DNER: variants seen among roughly 807,000 people sequenced by gnomAD.
DNER encodes delta and Notch-like epidermal growth factor-related receptor.
A neutral mutation model predicts 78.2 loss-of-function variants in DNER; 33 were observed. That is an observed-to-expected ratio of 0.42 (90% CI 0.32 to 0.56). The LOEUF (loss-of-function observed/expected upper bound fraction) is 0.56, where lower values mean the gene tolerates loss of function less well. Ranked by LOEUF, DNER falls within the 20% of genes least tolerant of loss-of-function variation. The pLI, the probability that DNER is intolerant of heterozygous loss-of-function variation, is 0.11. For synonymous variants in DNER, 417 were observed against 384.8 expected, an observed-to-expected ratio of 1.08 and a Z score of -0.98; for missense variants, 918 against 975.3, an observed-to-expected ratio of 0.94 and a Z score of 0.78.
chr2:229,654,730 C>T (rs572588121), intron 1 of DNER, among the ~76,000 whole-genome samples: 8 of 152,222 alleles, frequency 5.3e-5, no homozygotes, highest in South Asian at 2.1e-4. Context: ...TAGCTACAGA[C>T]GCTATAATCA....
intron 1 of DNER, among the ~76,000 whole-genome samples, chr2:229,669,340 A>C (rs1171100897): frequency 6.6e-6 from 1 of 150,792 alleles, no homozygotes; most frequent in African/African-American, 2.5e-5. Context: ...CGTTCCGCAC[A>C]TGTATCCCAG....
chr2:229,459,419 G>A (rs1288398927), intron 7 of DNER, among the ~76,000 whole-genome samples: 1 of 152,110 alleles, frequency 6.6e-6, no homozygotes, highest in East Asian at 1.9e-4. Flanking sequence ...AAGAGAAATT[G>A]TTGTGTTAAA....
intron 1 of DNER, among the ~76,000 whole-genome samples, chr2:229,707,641 G>A (rs2154217832): frequency 6.6e-6 from 1 of 152,328 alleles, no homozygotes; most frequent in Non-Finnish European, 1.5e-5. Flanking sequence ...GGGTTCCCAT[G>A]CAACTGGGGG....
chr2:229,616,381 C>G (rs1012140775), intron 1 of DNER, among the ~76,000 whole-genome samples: 1 of 151,948 alleles, frequency 6.6e-6, no homozygotes, highest in African/African-American at 2.4e-5. Context: ...TTCTCATTGG[C>G]CAACTCTATG....
At chr2:229,587,378 G>T (rs1039018707) in intron 3 of DNER, among the ~76,000 whole-genome samples, 3 of 152,170 alleles carry the variant, frequency 2.0e-5, no homozygotes, top group Non-Finnish European at 2.9e-5. Context: ...TTCCCAAGCA[G>T]CCCTTCCAGG....
At position 229,547,025 on chromosome 2, in the gene DNER, G is replaced by C. The variant is rs995998667; in HGVS notation, c.915C>G (p.Ser305Arg). ...CGTGACTCTCCCCCGGCACACAGGT[G>C]CTGACCTTCACCACCAGAGTTAAGC... ...ALRLTLVVKV[S>R]TCVPGESHAN... is the part of the protein sequence containing the mutation. The change falls in exon 5 of 13, where the codon AGC becomes AGG. Residue 305 changes from serine (S) to arginine (R), a missense_variant. Coordinates refer to ENST00000341772, the MANE Select transcript of DNER (RefSeq NM_139072.4). The C allele has an allele frequency of 1.2e-6, 2 of 1,614,066 alleles. No homozygotes were observed. The highest frequency in any genetic ancestry group is 1.7e-6 in the Non-Finnish European group (2 of 1,180,028).
At chr2:229,598,876 GA>G (rs1697772628) in intron 1 of DNER, among the ~76,000 whole-genome samples, 1 of 152,046 alleles carries the variant, frequency 6.6e-6, no homozygotes. Flanking sequence ...TTTGCATCTC[GA>G]AAGGCCTCCT....
chr2:229,614,075 C>T (rs532567706), intron 1 of DNER, among the ~76,000 whole-genome samples: 3 of 151,180 alleles, frequency 2.0e-5, no homozygotes, highest in Non-Finnish European at 4.4e-5. Context: ...ATACCTAATG[C>T]TAAATGACGA....
intron 11 of DNER, among the ~76,000 whole-genome samples, chr2:229,376,372 C>G (rs1692601209): frequency 6.6e-6 from 1 of 152,164 alleles, no homozygotes; most frequent in African/African-American, 2.4e-5. Flanking sequence ...GAGCCCTCGT[C>G]AGACACTGGA....
At chr2:229,526,130 G>T (rs571163985) in intron 5 of DNER, among the ~76,000 whole-genome samples, 26 of 152,106 alleles carry the variant, frequency 1.7e-4, no homozygotes, top group Non-Finnish European at 3.5e-4. Flanking sequence ...AGTGGCAAAA[G>T]AATTAGAAAA....
chr2:229,427,478 G>A (rs1349765252), intron 8 of DNER, among the ~76,000 whole-genome samples: 1 of 152,166 alleles, frequency 6.6e-6, no homozygotes, highest in Non-Finnish European at 1.5e-5. Flanking sequence ...GCGCTTATGA[G>A]GGGAAAAACA....
chr2:229,494,942 G>T (rs1337292398), intron 6 of DNER, among the ~76,000 whole-genome samples: 1 of 152,098 alleles, frequency 6.6e-6, no homozygotes, highest in Non-Finnish European at 1.5e-5. Flanking sequence ...CTTCTGCTGA[G>T]ATTGCTGATT....
intron 6 of DNER, among the ~76,000 whole-genome samples, chr2:229,502,471 C>T (rs756525465): frequency 5.9e-5 from 9 of 152,102 alleles, no homozygotes; most frequent in Non-Finnish European, 1.2e-4. Flanking sequence ...GGCTATGGGG[C>T]AGATTCTCTG....
intron 7 of DNER, among the ~76,000 whole-genome samples, chr2:229,474,299 G>A (rs989660669): frequency 2.0e-5 from 3 of 152,208 alleles, no homozygotes; most frequent in African/African-American, 7.2e-5. Context: ...CAGTGGGAGA[G>A]GCAGCTTAAA....
chr2:229,680,873 T>G (rs1699375657), intron 1 of DNER, among the ~76,000 whole-genome samples: 1 of 152,230 alleles, frequency 6.6e-6, no homozygotes, highest in African/African-American at 2.4e-5. Context: ...CAACTGATAC[T>G]TTTTTAAGTC....
intron 6 of DNER, among the ~76,000 whole-genome samples, chr2:229,501,430 A>G (rs1380629661): frequency 6.6e-6 from 1 of 151,366 alleles, no homozygotes; most frequent in Non-Finnish European, 1.5e-5. Flanking sequence ...ATTACCCATA[A>G]CTAAAAAAAA....
At chr2:229,407,426 TC>T (rs1476690942) in intron 9 of DNER, 81 bp from the exon 10 acceptor site, 2 of 1,243,172 alleles carry the variant, frequency 1.6e-6, no homozygotes, top group Non-Finnish European at 2.3e-6. Context: ...GTCGGAACTC[TC>T]TGGAACAATG....
At chr2:229,417,779 C>T (rs942887699) in intron 9 of DNER, among the ~76,000 whole-genome samples, 3 of 152,166 alleles carry the variant, frequency 2.0e-5, no homozygotes, top group Non-Finnish European at 4.4e-5. Context: ...CCTTCCTCTT[C>T]CACAGTTTTC....
At chr2:229,566,769 T>C (rs1048441715) in intron 4 of DNER, among the ~76,000 whole-genome samples, 2 of 152,210 alleles carry the variant, frequency 1.3e-5, no homozygotes, top group Non-Finnish European at 2.9e-5. Flanking sequence ...CCAAGACACC[T>C]GTGGGTTTAC....
Sources: allele counts gnomAD v4.1 joint callset (sites outside exome capture counted in the v4.1 genomes callset), GRCh38; gene constraint gnomAD v4.1.1; transcripts MANE v1.5; gene names NCBI Gene and HGNC (gene_info 2026-07-23, HGNC 2026-07-21).